AUTS2: variants seen among roughly 807,000 people sequenced by gnomAD.
The protein encoded by AUTS2 is autism susceptibility gene 2 protein.
In AUTS2, 17 loss-of-function variants were observed where a neutral mutation model predicts 112.4. The ratio of observed to expected loss-of-function variants is 0.15; its 90% CI spans 0.10 to 0.23. The LOEUF (loss-of-function observed/expected upper bound fraction) is 0.23. AUTS2 is among the 10% of genes least tolerant of loss of function. The pLI, the probability that AUTS2 is intolerant of heterozygous loss-of-function variation, is 1.00. For synonymous variants in AUTS2, 751 were observed against 702.7 expected, an observed-to-expected ratio of 1.07 and a Z score of -1.09; for missense variants, 1,510 against 1,701.6, an observed-to-expected ratio of 0.89 and a Z score of 1.98.
At chr7:70,316,662 G>A (rs916991212) in intron 4 of AUTS2, among the ~76,000 whole-genome samples, 1 of 152,124 alleles carries the variant, frequency 6.6e-6, no homozygotes, top group Non-Finnish European at 1.5e-5. Flanking sequence ...GCCTCCCAAA[G>A]TGCTTGGATT....
intron 4 of AUTS2, among the ~76,000 whole-genome samples, chr7:70,346,344 C>T (rs1035607953): frequency 6.6e-6 from 1 of 152,126 alleles, no homozygotes; most frequent in Non-Finnish European, 1.5e-5. Context: ...GAGATGAGGG[C>T]CTCACACAGG....
intron 4 of AUTS2, among the ~76,000 whole-genome samples, chr7:70,209,288 G>C (rs1352077429): frequency 6.6e-6 from 1 of 152,144 alleles, no homozygotes; most frequent in African/African-American, 2.4e-5. Context: ...TCATGTGTAG[G>C]CATAGGGAAA....
intron 1 of AUTS2, among the ~76,000 whole-genome samples, chr7:69,653,005 G>T (rs1299409398): frequency 1.3e-5 from 2 of 152,184 alleles, no homozygotes; most frequent in East Asian, 3.9e-4. Context: ...TTAAGATCCT[G>T]TGAGTTAATT....
intron 1 of AUTS2, among the ~76,000 whole-genome samples, chr7:69,689,877 T>C (rs1281733140): frequency 6.9e-6 from 1 of 145,270 alleles, no homozygotes; most frequent in Non-Finnish European, 1.5e-5. Flanking sequence ...TCAGTAGAGA[T>C]GGGGTTTCAC....
intron 1 of AUTS2, among the ~76,000 whole-genome samples, chr7:69,682,514 C>A (rs1156696725): frequency 6.6e-6 from 1 of 152,152 alleles, no homozygotes; most frequent in African/African-American, 2.4e-5. Flanking sequence ...CACTGGATGT[C>A]TATAGTTTTT....
At chr7:70,373,124 CTTT>C (rs879507389) in intron 4 of AUTS2, among the ~76,000 whole-genome samples, 1 of 140,688 alleles carries the variant, frequency 7.1e-6, no homozygotes, top group Middle Eastern at 3.4e-3. Flanking sequence ...TCAAGACAAG[CTTT>C]TTTTTTTTTT....
chr7:69,817,125 A>G (rs1038419261), intron 1 of AUTS2, among the ~76,000 whole-genome samples: 1 of 152,212 alleles, frequency 6.6e-6, no homozygotes, highest in African/African-American at 2.4e-5. Flanking sequence ...ACTCAGTGGT[A>G]CAGGGACTCC....
chr7:70,122,666 C>T (rs1053549762), intron 3 of AUTS2, among the ~76,000 whole-genome samples: 11 of 151,940 alleles, frequency 7.2e-5, no homozygotes, highest in South Asian at 2.1e-4. Context: ...ATATAGTAGG[C>T]GTATTGTTCA....
At chr7:70,543,454 G>A (rs1176327485) in intron 5 of AUTS2, among the ~76,000 whole-genome samples, 12 of 151,994 alleles carry the variant, frequency 7.9e-5, no homozygotes, top group South Asian at 2.1e-4. Flanking sequence ...GCTTGAACCC[G>A]GGAGGCAGAG....
chr7:69,724,534 C>T (rs978310016), intron 1 of AUTS2, among the ~76,000 whole-genome samples: 3 of 152,134 alleles, frequency 2.0e-5, no homozygotes, highest in Admixed American at 1.3e-4. Flanking sequence ...GAAATGAAAA[C>T]ACTGCACTTT....
chr7:70,561,838 C>T (rs1404214730), intron 5 of AUTS2, among the ~76,000 whole-genome samples: 2 of 151,990 alleles, frequency 1.3e-5, no homozygotes, highest in Non-Finnish European at 2.9e-5. Context: ...AACTAGGTCA[C>T]GTGTTGATAA....
At chr7:70,151,322 C>G (rs1175064771) in intron 4 of AUTS2, among the ~76,000 whole-genome samples, 1 of 152,040 alleles carries the variant, frequency 6.6e-6, no homozygotes. Context: ...TTACATTAAC[C>G]CATAGCCAGG....
rs959663761 is a variant in AUTS2 at position 69,710,394 on chromosome 7, G to T, written c.309+110432G>T. ...TTATAAAATATATTTGGCAATTAAG[G>T]AAACTGAGATTGAGGCTTTTGGCTT... On this transcript the variant is annotated intron_variant, in intron 1 of 18. Coordinates refer to ENST00000342771, the MANE Select transcript of AUTS2 (RefSeq NM_015570.4). Among the ~76,000 whole-genome samples the T allele has an allele frequency of 1.1e-4, 17 of 152,316 alleles. 1 individual carries two copies. Among genetic ancestry groups the T allele is most frequent in the Middle Eastern group, 3.4e-3 (1 of 294 alleles).
chr7:70,497,072 C>T (rs1229740346), intron 5 of AUTS2, among the ~76,000 whole-genome samples: 1 of 122,664 alleles, frequency 8.2e-6, no homozygotes, highest in Non-Finnish European at 1.7e-5. Context: ...ACACATCCCA[C>T]TCACACACAC....
chr7:70,590,264 C>G (rs1802882219), intron 5 of AUTS2, among the ~76,000 whole-genome samples: 1 of 152,042 alleles, frequency 6.6e-6, no homozygotes, highest in Admixed American at 6.6e-5. Flanking sequence ...TGATGACAAC[C>G]TGCGAGGAGA....
At chr7:70,498,154 T>C (rs1479351006) in intron 5 of AUTS2, among the ~76,000 whole-genome samples, 2 of 152,084 alleles carry the variant, frequency 1.3e-5, no homozygotes, top group Non-Finnish European at 2.9e-5. Context: ...GTTTTGAGGA[T>C]GTCTGGGGAA....
At chr7:70,026,886 G>C (rs1800545734) in intron 2 of AUTS2, among the ~76,000 whole-genome samples, 3 of 152,072 alleles carry the variant, frequency 2.0e-5, no homozygotes, top group Non-Finnish European at 2.9e-5. Context: ...TTCGTGGTTA[G>C]TTTTACTGTG....
At chr7:70,203,816 T>C (rs983534979) in intron 4 of AUTS2, among the ~76,000 whole-genome samples, 4 of 151,452 alleles carry the variant, frequency 2.6e-5, no homozygotes, top group African/African-American at 9.7e-5. Flanking sequence ...TTTTCAGTGC[T>C]AAAAACTAGA....
chr7:69,865,652 TGCCAAGGCCATTC>T (rs1299051278), intron 1 of AUTS2, among the ~76,000 whole-genome samples: 2 of 152,234 alleles, frequency 1.3e-5, no homozygotes, highest in Non-Finnish European at 2.9e-5. Flanking sequence ...CCATATCTTG[TGCCAAGGCCATTC>T]TCTTTCATTC....
Sources: gnomAD v4.1 joint callset for allele counts (sites outside exome capture counted in the v4.1 genomes callset) on GRCh38, gnomAD v4.1.1 for gene constraint, MANE v1.5 for transcripts, NCBI Gene and HGNC (gene_info 2026-07-23, HGNC 2026-07-21) for gene names.